The following TTC39B variants were observed in gnomAD, a reference collection of about 807,000 sequenced individuals.
TTC39B encodes tetratricopeptide repeat domain 39B, also known as tetratricopeptide repeat protein 39B.
In TTC39B, 92 loss-of-function variants were observed where a neutral mutation model predicts 96.6. The ratio of observed to expected loss-of-function variants is 0.95; its 90% confidence interval spans 0.80 to 1.13. TTC39B has a LOEUF of 1.13. Among genes scored for constraint, TTC39B ranks in the 50% most tolerant of loss-of-function variants. TTC39B has a pLI of 0.00. For synonymous variants in TTC39B, 367 were observed against 299.4 expected, an observed-to-expected ratio of 1.23 and a Z score of -2.33; for missense variants, 955 against 809.3, an observed-to-expected ratio of 1.18 and a Z score of -2.18.
intron 2 of TTC39B, among the ~76,000 whole-genome samples, chr9:15,265,513 C>A (rs1311811789): frequency 1.3e-5 from 2 of 152,194 alleles, no homozygotes; most frequent in African/African-American, 4.8e-5. Flanking sequence ...AAGCTCAATT[C>A]CTGCCAACAC....
intron 8 of TTC39B, among the ~76,000 whole-genome samples, chr9:15,196,243 C>G (rs1365399469): frequency 6.6e-6 from 1 of 152,156 alleles, no homozygotes; most frequent in Non-Finnish European, 1.5e-5. Flanking sequence ...ATTCTGCAGC[C>G]CATGGATCAA....
chr9:15,185,440 G>C, intron 15 of TTC39B, 34 bp from the exon 16 acceptor site: 1 of 1,611,012 alleles, frequency 6.2e-7, no homozygotes, highest in Non-Finnish European at 8.5e-7. Context: ...CCAGAGAAAG[G>C]TCATGGCAAC....
chr9:15,285,234 A>G (rs1382376235), intron 1 of TTC39B, among the ~76,000 whole-genome samples: 1 of 151,286 alleles, frequency 6.6e-6, no homozygotes, highest in East Asian at 1.9e-4. Context: ...ACGCCACTGC[A>G]CTCCAGCCTG....
At chr9:15,182,946 A>G (rs1451352425) in intron 16 of TTC39B, among the ~76,000 whole-genome samples, 2 of 152,214 alleles carry the variant, frequency 1.3e-5, no homozygotes, top group Non-Finnish European at 2.9e-5. Flanking sequence ...TGGCTGAATG[A>G]CAGCTCCTAA....
At chr9:15,283,842 A>T (rs1212579898) in intron 1 of TTC39B, among the ~76,000 whole-genome samples, 1 of 152,190 alleles carries the variant, frequency 6.6e-6, no homozygotes, top group Non-Finnish European at 1.5e-5. Context: ...AAACCCATAT[A>T]CAAGTTTCCA....
At chr9:15,276,150 T>C (rs546053288) in intron 1 of TTC39B, among the ~76,000 whole-genome samples, 1 of 152,318 alleles carries the variant, frequency 6.6e-6, no homozygotes, top group African/African-American at 2.4e-5. Context: ...ACTTAGCCTA[T>C]AAAAGTCCTT....
At chr9:15,179,149 A>G (rs1370541797) in intron 17 of TTC39B, among the ~76,000 whole-genome samples, 1 of 152,244 alleles carries the variant, frequency 6.6e-6, no homozygotes, top group Non-Finnish European at 1.5e-5. Flanking sequence ...TGTGACATCT[A>G]TCTGACAAAG....
At chr9:15,219,166 C>T (rs116649666) in intron 3 of TTC39B, among the ~76,000 whole-genome samples, 295 of 152,300 alleles carry the variant, frequency 1.9e-3, no homozygotes, top group African/African-American at 6.8e-3. Flanking sequence ...CTCACTTTAC[C>T]TCTGTAAGTC....
chr9:15,195,489 G>A (rs1819106606), intron 8 of TTC39B, among the ~76,000 whole-genome samples: 1 of 151,686 alleles, frequency 6.6e-6, no homozygotes, highest in South Asian at 2.1e-4. Context: ...GCCAAGCATG[G>A]TGAAACCTTG....
In TTC39B at chr9:15,307,073, T is replaced by C. The variant is rs758962566; in HGVS notation, c.240+11A>G. 6.2e-7 allele frequency: 1 copy of C among 1,609,268 alleles called. No homozygotes were observed. On this transcript the variant is annotated intron_variant, in intron 1 of 19. Transcript: ENST00000512701. Reference sequence around the variant, plus strand: ...TCAGGGGCCGGGCCCGCAATCCCCATCGGATCGTACCTCGTCCGCTTCCAG... The same window carrying C: ...TCAGGGGCCGGGCCCGCAATCCCCACCGGATCGTACCTCGTCCGCTTCCAG...
At chr9:15,223,315 G>A (rs1016636432) in intron 3 of TTC39B, among the ~76,000 whole-genome samples, 1 of 152,206 alleles carries the variant, frequency 6.6e-6, no homozygotes, top group Admixed American at 6.5e-5. Flanking sequence ...GGAGGCAAAT[G>A]AGTTTCTTAA....
intron 4 of TTC39B, among the ~76,000 whole-genome samples, chr9:15,213,897 ATG>A (rs1277900992): frequency 1.3e-5 from 2 of 152,230 alleles, no homozygotes; most frequent in African/African-American, 4.8e-5. Flanking sequence ...TACTTATAAG[ATG>A]ACAATATCTG....
intron 1 of TTC39B, among the ~76,000 whole-genome samples, chr9:15,287,945 CAAAAAAAAAA>C (rs762069142): frequency 1.5e-5 from 1 of 68,950 alleles, no homozygotes; most frequent in South Asian, 6.1e-4. Flanking sequence ...GACTCCATCT[CAAAAAAAAAA>C]AAAAAAAAAA....
chr9:15,184,347 G>A (rs1197024987), intron 16 of TTC39B, among the ~76,000 whole-genome samples: 1 of 151,246 alleles, frequency 6.6e-6, no homozygotes, highest in African/African-American at 2.4e-5. Flanking sequence ...GATATTCATT[G>A]CAGTGTATAA....
intron 2 of TTC39B, 23 bp downstream of exon 2, chr9:15,267,891 C>A: frequency 8.1e-6 from 13 of 1,596,596 alleles, no homozygotes; most frequent in Non-Finnish European, 1.1e-5. Context: ...TTACTACATA[C>A]TTTTTATTAT....
intron 1 of TTC39B, among the ~76,000 whole-genome samples, chr9:15,288,613 A>G (rs1824066330): frequency 6.6e-6 from 1 of 152,180 alleles, no homozygotes; most frequent in South Asian, 2.1e-4. Context: ...TCATCCTTCA[A>G]GTCCATGTGC....
At chr9:15,265,851 C>A (rs1007274815) in intron 2 of TTC39B, among the ~76,000 whole-genome samples, 1 of 152,074 alleles carries the variant, frequency 6.6e-6, no homozygotes, top group Non-Finnish European at 1.5e-5. Flanking sequence ...GAAAAACAGA[C>A]CAATCTCAAT....
intron 18 of TTC39B, among the ~76,000 whole-genome samples, chr9:15,177,462 C>A (rs987392864): frequency 6.6e-6 from 1 of 152,290 alleles, no homozygotes; most frequent in African/African-American, 2.4e-5. Context: ...GCTATAAATA[C>A]AGTTTTTGTA....
intron 3 of TTC39B, among the ~76,000 whole-genome samples, chr9:15,218,592 GA>G (rs1480822411): frequency 3.0e-5 from 4 of 133,566 alleles, no homozygotes; most frequent in Non-Finnish European, 4.8e-5. Flanking sequence ...TAATTTAAAA[GA>G]TATGTTAAGT....
Sources: allele counts gnomAD v4.1 joint callset (sites outside exome capture counted in the v4.1 genomes callset), GRCh38; gene constraint gnomAD v4.1.1; transcripts MANE v1.5; gene names NCBI Gene and HGNC (gene_info 2026-07-23, HGNC 2026-07-21).